CDCA5: variants seen among roughly 807,000 people sequenced by gnomAD.
CDCA5 encodes sororin.
Under a neutral mutation model 25.7 loss-of-function variants are expected in CDCA5, and 14 were observed. That is an observed-to-expected ratio of 0.54 (90% CI 0.36 to 0.85). The LOEUF is 0.85. Ranked by LOEUF, CDCA5 falls within the 40% of genes least tolerant of loss-of-function variation. CDCA5 has a pLI of 0.01. For synonymous variants in CDCA5, 127 were observed against 128.7 expected (o/e 0.99, Z 0.09); for missense variants, 307 against 324.5 (o/e 0.95, Z 0.41).
At chr11:65,076,969 G>A (rs903507826), downstream of CDCA5, among the ~76,000 whole-genome samples, 2 of 152,118 alleles carry the variant, frequency 1.3e-5, no homozygotes, top group Admixed American at 6.6e-5. Context: ...AGCAGACTGG[G>A]GACTGGACAG....
Position 65,077,729 on chromosome 11 carries a change from C to T in CDCA5, c.*1378G>A, listed in dbSNP as rs1207233203. 1.0e-5 allele frequency: 10 copies of T among 985,460 alleles called. No individual in the cohort carries two copies. The highest frequency in any genetic ancestry group is 6.1e-5 in the Admixed American group (1 of 16,268). 61.0% of individuals were successfully genotyped at this position (985,460 alleles called of 1,614,324 possible). ...CTTGCAGGTCTGACAAACCACAGAGCGTTGAGCAGATGGCCTGGGACTCCC... is the reference window on the plus strand; with the variant it reads ...CTTGCAGGTCTGACAAACCACAGAGTGTTGAGCAGATGGCCTGGGACTCCC... On this transcript the variant is annotated 3_prime_UTR_variant, in exon 6 of 6. Coordinates refer to ENST00000275517, the MANE Select transcript of CDCA5 (RefSeq NM_080668.4).
At chr11:65,067,359 C>T (rs902802406) in intron 4 of CDCA5, among the ~76,000 whole-genome samples, 1 of 152,096 alleles carries the variant, frequency 6.6e-6, no homozygotes, top group Non-Finnish European at 1.5e-5. Flanking sequence ...TGGAAGCCTC[C>T]GTCATGCCCT....
At chr11:65,066,740 C>T in intron 5 of CDCA5, 1 of 1,287,468 alleles carries the variant, frequency 7.8e-7, no homozygotes, top group Admixed American at 2.3e-5. Context: ...ACCCGAAGCC[C>T]CTCTAGGAGA....
chr11:65,082,459 CTT>C (rs35061489), intron 4 of CDCA5, among the ~76,000 whole-genome samples: 3,147 of 102,974 alleles, frequency 0.031, 33 homozygotes, highest in African/African-American at 0.056. Context: ...ACCTACTTGT[CTT>C]TTTTTTTTTT....
At chr11:65,082,172 T>C (rs1947581042) in intron 4 of CDCA5, among the ~76,000 whole-genome samples, 1 of 152,106 alleles carries the variant, frequency 6.6e-6, no homozygotes, top group Admixed American at 6.5e-5. Flanking sequence ...CTCAAAACCA[T>C]TCTCCCCACA....
At position 65,083,345 on chromosome 11, in the gene CDCA5, T is replaced by C; in HGVS notation, c.243+19A>G. On this transcript the variant is annotated intron_variant, in intron 4 of 5. Transcript: ENST00000275517. ...GTGACCCAGATTCTACTTAATTAAG[T>C]AGATGAAAGTGAACTCACCCTAGGG... 1 of 1,613,876 alleles carries C rather than the reference T, an allele frequency of 6.2e-7. No homozygotes were observed. The highest frequency in any genetic ancestry group is 8.5e-7 in the Non-Finnish European group (1 of 1,179,826).
At chr11:65,064,043 G>C (rs1233580829), downstream of CDCA5, among the ~76,000 whole-genome samples, 1 of 152,122 alleles carries the variant, frequency 6.6e-6, no homozygotes, top group African/African-American at 2.4e-5. Context: ...AGGGGGCTCC[G>C]TAATAGACTC....
downstream of CDCA5, among the ~76,000 whole-genome samples, chr11:65,075,849 A>T (rs1378589235): frequency 6.6e-6 from 1 of 152,210 alleles, no homozygotes; most frequent in Non-Finnish European, 1.5e-5. Context: ...GGTGGGAAAG[A>T]GGGTCCAGGA....
chr11:65,074,671 G>C (rs756749636), downstream of CDCA5, among the ~76,000 whole-genome samples: 4 of 150,266 alleles, frequency 2.7e-5, no homozygotes, highest in Non-Finnish European at 4.4e-5. Flanking sequence ...TCTGGGAAGT[G>C]GAGGTTGCAG....
In CDCA5 at chr11:65,078,382, A is replaced by G. The variant is rs1404302907; in HGVS notation, c.*725T>C. 1 of 985,894 alleles carries G rather than the reference A, an allele frequency of 1.0e-6. No homozygotes were observed. The highest frequency in any genetic ancestry group is 1.2e-6 in the Non-Finnish European group (1 of 830,180). 61.1% of individuals were successfully genotyped at this position (985,894 alleles called of 1,614,324 possible). Reference sequence around the variant, plus strand: ...ACCCTGAAATGCACCCTTTGCTCCAAGCAGCCAGCGCCCTATCAACCTGGC... The same window carrying G: ...ACCCTGAAATGCACCCTTTGCTCCAGGCAGCCAGCGCCCTATCAACCTGGC... On this transcript the variant is annotated 3_prime_UTR_variant, in exon 6 of 6. Transcript: ENST00000275517.
downstream of CDCA5, among the ~76,000 whole-genome samples, chr11:65,074,630 T>C (rs1260548927): frequency 6.6e-6 from 1 of 151,416 alleles, no homozygotes; most frequent in Non-Finnish European, 1.5e-5. Flanking sequence ...TCTCAGCTAC[T>C]TGGGCAGCTG....
chr11:65,062,186 C>T (rs1456541221), downstream of CDCA5, among the ~76,000 whole-genome samples: 1 of 152,180 alleles, frequency 6.6e-6, no homozygotes, highest in South Asian at 2.1e-4. Flanking sequence ...TCCCAAAGTG[C>T]TGGGATTACA....
chr11:65,064,622 GC>G (rs199508813), downstream of CDCA5, among the ~76,000 whole-genome samples: 1,083 of 152,210 alleles, frequency 7.1e-3, 4 homozygotes, highest in Middle Eastern at 0.014. Context: ...GTACAGCAGG[GC>G]CCCTGGTCAA....
chr11:65,063,685 C>T (rs1415099725), downstream of CDCA5, among the ~76,000 whole-genome samples: 1 of 152,200 alleles, frequency 6.6e-6, no homozygotes, highest in Non-Finnish European at 1.5e-5. Context: ...AGAAATGGTG[C>T]CAGCCAGACA....
chr11:65,073,905 C>T (rs1565275483), downstream of CDCA5, among the ~76,000 whole-genome samples: 1 of 152,138 alleles, frequency 6.6e-6, no homozygotes, highest in Non-Finnish European at 1.5e-5. Context: ...CTCCTCACAC[C>T]CATCACTCAA....
rs191158594 is a variant in CDCA5 at position 65,071,409 on chromosome 11, C to T, written c.64-2808G>A. 1.8e-4 allele frequency among the ~76,000 whole-genome samples: 27 copies of T among 148,866 alleles called. 1 individual carries two copies. In the South Asian group the frequency reaches 5.3e-3, roughly 29 times the overall value. ...TTGCCCAGGCTGGAGTGTAGTGGTG[C>T]GATCTCGGATCACTGCAACCTCTGC... is the stretch of plus-strand genomic sequence containing the variant. On this transcript the variant is annotated intron_variant, in intron 1 of 6. Coordinates refer to the CDCA5 transcript ENST00000525464.
downstream of CDCA5, among the ~76,000 whole-genome samples, chr11:65,061,895 T>C (rs1947189720): frequency 6.6e-6 from 1 of 151,016 alleles, no homozygotes; most frequent in Non-Finnish European, 1.5e-5. Context: ...CCCCGAACTC[T>C]TGTATTTCCA....
chr11:65,063,379 T>A (rs1324823415), downstream of CDCA5, among the ~76,000 whole-genome samples: 1 of 152,206 alleles, frequency 6.6e-6, no homozygotes, highest in Non-Finnish European at 1.5e-5. Flanking sequence ...TACTCAGAGC[T>A]GCTCCCACTG....
At chr11:65,082,195 G>A (rs959714971) in intron 4 of CDCA5, among the ~76,000 whole-genome samples, 1 of 152,100 alleles carries the variant, frequency 6.6e-6, no homozygotes, top group African/African-American at 2.4e-5. Flanking sequence ...CCCCAGAGGG[G>A]TCTTTCTTAA....
Sources: gnomAD v4.1 joint callset for allele counts (sites outside exome capture counted in the v4.1 genomes callset) on GRCh38, gnomAD v4.1.1 for gene constraint, MANE v1.5 for transcripts, NCBI Gene and HGNC (gene_info 2026-07-23, HGNC 2026-07-21) for gene names.